PPP4R2: variants seen among roughly 807,000 people sequenced by gnomAD.
PPP4R2 encodes the protein protein phosphatase 4 regulatory subunit 2, also known as serine/threonine-protein phosphatase 4 regulatory subunit 2.
Under a neutral mutation model 47.2 loss-of-function variants are expected in PPP4R2, and 13 were observed. The observed-to-expected ratio is 0.28, with a 90% CI of 0.18 to 0.44. PPP4R2 has a LOEUF of 0.44. Ranked by LOEUF, PPP4R2 falls within the 20% of genes least tolerant of loss-of-function variation. The probability of loss-of-function intolerance (pLI) is 1.00; values close to 1 mark genes in which losing one functional copy is unlikely to be tolerated. For synonymous variants in PPP4R2, 151 were observed against 163.3 expected, an observed-to-expected ratio of 0.92 and a Z score of 0.57; for missense variants, 421 against 491.2, an observed-to-expected ratio of 0.86 and a Z score of 1.35.
chr3:73,046,385 G>A (rs1158761928), intron 2 of PPP4R2, among the ~76,000 whole-genome samples: 2 of 152,192 alleles, frequency 1.3e-5, no homozygotes, highest in Non-Finnish European at 2.9e-5. Context: ...AGATTGATCT[G>A]CTGTCACTAA....
chr3:73,002,765 G>A (rs1478388304), intron 2 of PPP4R2, among the ~76,000 whole-genome samples: 2 of 149,330 alleles, frequency 1.3e-5, no homozygotes, highest in Non-Finnish European at 3.0e-5. Context: ...CCTCAGCCTC[G>A]TGAGTAGCTG....
chr3:73,055,417 C>CGTGT (rs10663655), intron 3 of PPP4R2, among the ~76,000 whole-genome samples: 5,643 of 137,316 alleles, frequency 0.041, 174 homozygotes, highest in African/African-American at 0.071. Flanking sequence ...AGTGGGGTAG[C>CGTGT]GTGTGTGTGT....
intron 2 of PPP4R2, among the ~76,000 whole-genome samples, chr3:73,044,751 C>A (rs1265427043): frequency 6.6e-6 from 1 of 152,150 alleles, no homozygotes; most frequent in Non-Finnish European, 1.5e-5. Flanking sequence ...ATTTGTATAT[C>A]TTCTTTGGAG....
intron 3 of PPP4R2, among the ~76,000 whole-genome samples, chr3:73,053,749 A>G (rs1413468278): frequency 1.3e-5 from 2 of 151,856 alleles, no homozygotes; most frequent in African/African-American, 4.8e-5. Context: ...CTCTACTAAA[A>G]ATACAAAAAA....
chr3:73,066,758 T>C lies in PPP4R2; in HGVS notation c.*1036T>C, dbSNP rs1201881495. On this transcript the variant is annotated 3_prime_UTR_variant, in exon 9 of 9. Coordinates refer to ENST00000356692, the MANE Select transcript of PPP4R2 (RefSeq NM_174907.4). ...CACCACTGTACTGGAAGAATTAATA[T>C]ATTACTTTAGTATGTACCTGAGCTA... is the stretch of plus-strand genomic sequence containing the variant. 1 of 152,064 alleles carries C rather than the reference T, an allele frequency of 6.6e-6. No individual in the cohort carries two copies. Among genetic ancestry groups the C allele is most frequent in the Non-Finnish European group, 1.5e-5 (1 of 67,954 alleles). 9.4% of individuals were successfully genotyped at this position (152,064 alleles called of 1,614,324 possible).
At chr3:73,022,961 T>G (rs1440346273) in intron 2 of PPP4R2, among the ~76,000 whole-genome samples, 1 of 152,148 alleles carries the variant, frequency 6.6e-6, no homozygotes, top group African/African-American at 2.4e-5. Context: ...ATGGTGTGTT[T>G]CAGGTAAGAA....
At chr3:73,014,843 C>T (rs1447380717) in intron 2 of PPP4R2, 2 of 438,078 alleles carry the variant, frequency 4.6e-6, no homozygotes, top group Non-Finnish European at 8.2e-6. Flanking sequence ...ATTGCTTTAT[C>T]ATTTATTAGT....
chr3:72,997,535 C>G (rs1293759990), intron 1 of PPP4R2: 2 of 166,810 alleles, frequency 1.2e-5, no homozygotes. Flanking sequence ...GTCATCTTTC[C>G]GCGCCCTAAT....
At chr3:73,011,175 A>G (rs1701717678) in intron 2 of PPP4R2, among the ~76,000 whole-genome samples, 1 of 152,168 alleles carries the variant, frequency 6.6e-6, no homozygotes, top group Non-Finnish European at 1.5e-5. Context: ...TTTCAAAACC[A>G]CTGTTAGAAT....
intron 2 of PPP4R2, among the ~76,000 whole-genome samples, chr3:73,030,169 G>A (rs1220492438): frequency 1.3e-5 from 2 of 152,140 alleles, no homozygotes; most frequent in Non-Finnish European, 2.9e-5. Context: ...TCCATTATTA[G>A]CAAATAAAAA....
intron 2 of PPP4R2, among the ~76,000 whole-genome samples, chr3:73,012,957 G>C (rs1575844973): frequency 6.8e-6 from 1 of 146,866 alleles, no homozygotes; most frequent in South Asian, 2.2e-4. Flanking sequence ...TGGTGAATTT[G>C]AGATTTTCAT....
At chr3:73,004,173 C>T (rs1479880087) in intron 2 of PPP4R2, among the ~76,000 whole-genome samples, 3 of 141,832 alleles carry the variant, frequency 2.1e-5, no homozygotes, top group African/African-American at 8.0e-5. Context: ...GTTGTCTGTG[C>T]CTTTTATTCT....
rs963572375 is a variant in PPP4R2 at position 73,048,087 on chromosome 3, G to T, written c.287+731G>T. 3.3e-5 allele frequency among the ~76,000 whole-genome samples: 5 copies of T among 152,132 alleles called. No homozygotes were observed. The South Asian group carries it at 1.0e-3, about 32-fold the overall frequency. On this transcript the variant is annotated intron_variant, in intron 3 of 8. Transcript: ENST00000356692. ...AGACAGGGTTTCACCATGTTAGCCA[G>T]GATGGTCTCGATCTCCTGACCTCAT...
intron 2 of PPP4R2, among the ~76,000 whole-genome samples, chr3:73,010,461 C>A (rs978010041): frequency 6.6e-6 from 1 of 152,146 alleles, no homozygotes; most frequent in Non-Finnish European, 1.5e-5. Flanking sequence ...GTCATAGTAT[C>A]TCTCTTGTCT....
intron 3 of PPP4R2, among the ~76,000 whole-genome samples, chr3:73,058,715 G>A (rs1702779161): frequency 6.6e-6 from 1 of 151,726 alleles, no homozygotes; most frequent in African/African-American, 2.4e-5. Context: ...AATTATTGTA[G>A]TCAACCTGTT....
intron 2 of PPP4R2, among the ~76,000 whole-genome samples, chr3:73,001,104 G>A (rs1701448570): frequency 1.3e-5 from 2 of 152,074 alleles, no homozygotes; most frequent in African/African-American, 4.8e-5. Flanking sequence ...TATTTCTCAA[G>A]AAGACCTGCC....
At chr3:73,007,190 C>T (rs1445109310) in intron 2 of PPP4R2, among the ~76,000 whole-genome samples, 1 of 152,174 alleles carries the variant, frequency 6.6e-6, no homozygotes, top group Non-Finnish European at 1.5e-5. Context: ...ATAGGAAACT[C>T]AGCACAGTGC....
chr3:73,027,348 A>T (rs1039582127), intron 2 of PPP4R2, among the ~76,000 whole-genome samples: 1 of 152,128 alleles, frequency 6.6e-6, no homozygotes, highest in African/African-American at 2.4e-5. Context: ...GGGTGATCTC[A>T]ATCTCCTGAC....
chr3:72,997,269 C>T (rs1191929925), intron 1 of PPP4R2, 198 bp downstream of exon 1: 3 of 416,472 alleles, frequency 7.2e-6, no homozygotes, highest in African/African-American at 2.1e-5. Flanking sequence ...GGCTTTGTGT[C>T]GGCCGCCGGC....
Sources: allele counts gnomAD v4.1 joint callset (sites outside exome capture counted in the v4.1 genomes callset), GRCh38; gene constraint gnomAD v4.1.1; transcripts MANE v1.5; gene names NCBI Gene and HGNC (gene_info 2026-07-23, HGNC 2026-07-21).